NFIA: variants seen among roughly 807,000 people sequenced by gnomAD.
NFIA encodes nuclear factor 1 A-type.
Under a neutral mutation model 62.8 loss-of-function variants are expected in NFIA, and 8 were observed. The ratio of observed to expected loss-of-function variants is 0.13; its 90% CI spans 0.07 to 0.23. The LOEUF is 0.23. Ranked by LOEUF, NFIA falls within the 10% of genes least tolerant of loss-of-function variation. The probability of loss-of-function intolerance (pLI) is 1.00; values close to 1 mark genes in which losing one functional copy is unlikely to be tolerated. For missense variants in NFIA, 410 were observed against 642.1 expected, an observed-to-expected ratio of 0.64 and a Z score of 3.91; for synonymous variants, 235 against 238.1, an observed-to-expected ratio of 0.99 and a Z score of 0.12.
At chr1:61,146,342 T>A (rs999640516) in intron 2 of NFIA, among the ~76,000 whole-genome samples, 1 of 152,132 alleles carries the variant, frequency 6.6e-6, no homozygotes, top group Non-Finnish European at 1.5e-5. Context: ...ATCTTGGTGG[T>A]TGGTCATTGT....
chr1:61,141,589 C>T (rs182832473), intron 2 of NFIA, among the ~76,000 whole-genome samples: 3 of 152,290 alleles, frequency 2.0e-5, no homozygotes, highest in Admixed American at 2.0e-4. Context: ...AAAAGGAATA[C>T]TAACATTACT....
At chr1:61,141,637 C>T (rs931693356) in intron 2 of NFIA, among the ~76,000 whole-genome samples, 1 of 152,160 alleles carries the variant, frequency 6.6e-6, no homozygotes, top group Admixed American at 6.5e-5. Flanking sequence ...TTTCTGAAGG[C>T]CAAGGTTAAG....
chr1:61,212,029 A>C (rs1336165322), intron 2 of NFIA, among the ~76,000 whole-genome samples: 1 of 152,170 alleles, frequency 6.6e-6, no homozygotes, highest in Non-Finnish European at 1.5e-5. Context: ...CATGAGTCTT[A>C]TGCGCTTAGG....
At chr1:61,240,036 G>T (rs1655249865) in intron 2 of NFIA, among the ~76,000 whole-genome samples, 2 of 152,084 alleles carry the variant, frequency 1.3e-5, no homozygotes, top group African/African-American at 4.8e-5. Context: ...TCAATAAAGA[G>T]ACATCTAATA....
chr1:61,235,495 T>C (rs1399856821), intron 2 of NFIA, among the ~76,000 whole-genome samples: 1 of 144,168 alleles, frequency 6.9e-6, no homozygotes, highest in Admixed American at 6.9e-5. Flanking sequence ...AATAAATAAA[T>C]AAATAAATAA....
chr1:61,314,910 G>A (rs912813534), intron 3 of NFIA, among the ~76,000 whole-genome samples: 7 of 152,104 alleles, frequency 4.6e-5, no homozygotes, highest in South Asian at 2.1e-4. Flanking sequence ...TTGATGACAC[G>A]AAATATTTTG....
chr1:61,304,139 G>A (rs1214626462), intron 3 of NFIA, among the ~76,000 whole-genome samples: 2 of 152,174 alleles, frequency 1.3e-5, no homozygotes, highest in African/African-American at 2.4e-5. Context: ...AGCTGGGCAT[G>A]GTGGCACGTG....
At chr1:61,278,622 T>C (rs1188939540) in intron 3 of NFIA, among the ~76,000 whole-genome samples, 1 of 152,182 alleles carries the variant, frequency 6.6e-6, no homozygotes, top group African/African-American at 2.4e-5. Flanking sequence ...ATCATGTCTT[T>C]ACTAAAAATA....
At chr1:61,125,441 T>G (rs2100478557) in intron 2 of NFIA, among the ~76,000 whole-genome samples, 1 of 152,340 alleles carries the variant, frequency 6.6e-6, no homozygotes, top group East Asian at 1.9e-4. Context: ...TAAAATATGC[T>G]GATAAAAGAA....
intron 2 of NFIA, among the ~76,000 whole-genome samples, chr1:61,231,538 A>ATATT (rs147457409): frequency 0.059 from 9,030 of 152,278 alleles, 300 homozygotes; most frequent in Non-Finnish European, 0.064. Context: ...CATTCAAAAA[A>ATATT]TATCCATGTT....
intron 9 of NFIA, among the ~76,000 whole-genome samples, chr1:61,409,918 T>C (rs139626705): frequency 2.5e-4 from 38 of 152,306 alleles, no homozygotes; most frequent in African/African-American, 8.2e-4. Flanking sequence ...CAAGAGTAGA[T>C]GGAAGGGAAT....
intron 2 of NFIA, among the ~76,000 whole-genome samples, chr1:61,258,741 T>C (rs1409881002): frequency 6.6e-6 from 1 of 152,136 alleles, no homozygotes; most frequent in Non-Finnish European, 1.5e-5. Flanking sequence ...TTTTTTTTAT[T>C]TTTTTGAAAC....
At chr1:61,295,798 T>C (rs1659160218) in intron 3 of NFIA, among the ~76,000 whole-genome samples, 1 of 152,254 alleles carries the variant, frequency 6.6e-6, no homozygotes, top group African/African-American at 2.4e-5. Flanking sequence ...TCAAGCCATA[T>C]GTAAAATGAG....
At chr1:61,322,038 A>G (rs749637231) in intron 3 of NFIA, among the ~76,000 whole-genome samples, 2 of 152,228 alleles carry the variant, frequency 1.3e-5, no homozygotes, top group African/African-American at 4.8e-5. Context: ...TTAAAATGGG[A>G]TAAAATTCAT....
intron 2 of NFIA, among the ~76,000 whole-genome samples, chr1:61,106,930 A>T (rs1269771308): frequency 6.6e-6 from 1 of 151,108 alleles, no homozygotes; most frequent in Non-Finnish European, 1.5e-5. Flanking sequence ...AAAAAATCAT[A>T]TATACACACA....
At chr1:61,195,319 C>G (rs999489901) in intron 2 of NFIA, among the ~76,000 whole-genome samples, 1 of 152,072 alleles carries the variant, frequency 6.6e-6, no homozygotes, top group Non-Finnish European at 1.5e-5. Context: ...TTAATATTAT[C>G]TTAGCCATAT....
intron 10 of NFIA, among the ~76,000 whole-genome samples, chr1:61,430,598 G>C (rs1402451293): frequency 6.6e-6 from 1 of 152,056 alleles, no homozygotes; most frequent in East Asian, 1.9e-4. Context: ...ATGATTGGTG[G>C]GGAAAGATAA....
At chr1:61,249,321 C>T (rs1202259402) in intron 2 of NFIA, among the ~76,000 whole-genome samples, 1 of 152,044 alleles carries the variant, frequency 6.6e-6, no homozygotes, top group Non-Finnish European at 1.5e-5. Context: ...TTCTACAAAT[C>T]AAAAACTTTA....
intron 2 of NFIA, among the ~76,000 whole-genome samples, chr1:61,174,884 A>G (rs1054822130): frequency 2.0e-5 from 3 of 152,168 alleles, no homozygotes; most frequent in Non-Finnish European, 4.4e-5. Flanking sequence ...TGCACTTTTG[A>G]TGGGACCCAA....
Sources: allele counts gnomAD v4.1 joint callset (sites outside exome capture counted in the v4.1 genomes callset), GRCh38; gene constraint gnomAD v4.1.1; transcripts MANE v1.5; gene names NCBI Gene and HGNC (gene_info 2026-07-23, HGNC 2026-07-21).